Variants in MAGI1 observed in about 807,000 individuals in gnomAD.
MAGI1 encodes membrane-associated guanylate kinase, WW and PDZ domain-containing protein 1.
MAGI1 carries 58 observed loss-of-function variants against 139.9 expected under a neutral mutation model. The observed-to-expected ratio is 0.41, with a 90% CI of 0.34 to 0.52. The LOEUF (loss-of-function observed/expected upper bound fraction) is 0.52, where lower values mean the gene tolerates loss of function less well. Among genes scored for constraint, MAGI1 ranks in the 20% least tolerant of loss-of-function variants. The pLI is 0.12. For missense variants in MAGI1, 1,874 were observed against 1,901.6 expected (o/e 0.99, Z 0.27); for synonymous variants, 812 against 737.9 (o/e 1.10, Z -1.63).
chr3:65,685,545 A>G (rs1419585915), intron 1 of MAGI1, among the ~76,000 whole-genome samples: 1 of 152,236 alleles, frequency 6.6e-6, no homozygotes, highest in East Asian at 1.9e-4. Context: ...AATGTCAAAG[A>G]ACGTAGCTTG....
intron 1 of MAGI1, among the ~76,000 whole-genome samples, chr3:65,725,889 T>C (rs886640408): frequency 6.6e-6 from 1 of 152,116 alleles, no homozygotes; most frequent in African/African-American, 2.4e-5. Context: ...GGAACTCAAA[T>C]TCTGAAAAAA....
intron 2 of MAGI1, among the ~76,000 whole-genome samples, chr3:65,503,187 T>C (rs998505097): frequency 6.6e-6 from 1 of 152,192 alleles, no homozygotes; most frequent in East Asian, 1.9e-4. Context: ...AATTGATGCC[T>C]CATTGTAAAT....
chr3:65,407,626 G>A (rs1319334444), intron 12 of MAGI1, among the ~76,000 whole-genome samples: 1 of 151,996 alleles, frequency 6.6e-6, no homozygotes, highest in Non-Finnish European at 1.5e-5. Context: ...TAAAAACTGT[G>A]CATAGAATAT....
At chr3:65,551,456 G>A (rs1260481554) in intron 2 of MAGI1, among the ~76,000 whole-genome samples, 9 of 151,930 alleles carry the variant, frequency 5.9e-5, no homozygotes, top group South Asian at 4.2e-4. Context: ...ACGCACCACC[G>A]CGCGCGGCTA....
intron 5 of MAGI1, chr3:65,469,652 C>T (rs570912962): frequency 1.3e-5 from 2 of 151,940 alleles, no homozygotes; most frequent in African/African-American, 2.4e-5. Context: ...ATATTTACGA[C>T]TCTGTGTTAG....
At chr3:65,531,093 CATTA>C (rs2078692648) in intron 2 of MAGI1, among the ~76,000 whole-genome samples, 1 of 151,596 alleles carries the variant, frequency 6.6e-6, no homozygotes, top group Admixed American at 6.6e-5. Context: ...TACTGCTTAC[CATTA>C]ATTAAGTAGG....
intron 1 of MAGI1, among the ~76,000 whole-genome samples, chr3:65,937,069 G>A (rs75963416): frequency 0.013 from 1,963 of 152,042 alleles, 38 homozygotes; most frequent in African/African-American, 0.045. Context: ...TAACAATTTT[G>A]TATAGCTTAC....
chr3:65,613,191 C>T (rs1314595564), intron 2 of MAGI1, among the ~76,000 whole-genome samples: 1 of 152,092 alleles, frequency 6.6e-6, no homozygotes, highest in Admixed American at 6.6e-5. Flanking sequence ...ACTACCTAAG[C>T]TCTCCACACC....
chr3:65,477,711 A>ATTTTTATTT (rs1950977297), intron 4 of MAGI1, among the ~76,000 whole-genome samples: 3 of 141,612 alleles, frequency 2.1e-5, no homozygotes, highest in Non-Finnish European at 3.1e-5. Flanking sequence ...TATTATTATT[A>ATTTTTATTT]TTTTTTTTTT....
chr3:65,891,490 C>G (rs1235220537), intron 1 of MAGI1, among the ~76,000 whole-genome samples: 2 of 151,942 alleles, frequency 1.3e-5, no homozygotes, highest in Non-Finnish European at 1.5e-5. Flanking sequence ...GCACAATAAG[C>G]CCCAACAAAC....
At position 65,454,557 on chromosome 3, in the gene MAGI1, A is replaced by ATAATAATAAT. The variant is rs5849671; in HGVS notation, c.960-1218_960-1217insATTATTATTA. On this transcript the variant is annotated intron_variant, in intron 5 of 22. Coordinates refer to ENST00000402939, the MANE Select transcript of MAGI1 (RefSeq NM_001033057.2). ...AATAATAATAATAATAATAATAATAAAAAAATACTTGTTTTACAAAAAAAA... is the reference window on the plus strand; with the variant it reads ...AATAATAATAATAATAATAATAATAATAATAATAATAAAAATACTTGTTTTACAAAAAAAA... Among the ~76,000 whole-genome samples the ATAATAATAAT allele has an allele frequency of 1.3e-3, 180 of 143,248 alleles. 1 individual carries two copies. The highest frequency in any genetic ancestry group is 4.1e-3 in the African/African-American group (153 of 37,466). 94.0% of individuals were successfully genotyped at this position (143,248 alleles called of 152,430 possible). A position where few individuals can be genotyped will look rare whatever the true frequency, so the allele number is the denominator to read the frequency against.
intron 2 of MAGI1, among the ~76,000 whole-genome samples, chr3:65,564,528 T>C (rs1317675821): frequency 6.6e-6 from 1 of 152,124 alleles, no homozygotes; most frequent in Non-Finnish European, 1.5e-5. Flanking sequence ...GAAATAACTA[T>C]GGACAAAGAA....
chr3:65,758,219 T>G (rs2036713727), intron 1 of MAGI1, among the ~76,000 whole-genome samples: 1 of 152,194 alleles, frequency 6.6e-6, no homozygotes, highest in Admixed American at 6.5e-5. Context: ...GCCAATCACC[T>G]TTCCACAGCA....
At position 65,945,510 on chromosome 3, in the gene MAGI1, G is replaced by A. The variant is rs1289350412; in HGVS notation, c.313+92486C>T. Among the ~76,000 whole-genome samples, 281 of 145,806 alleles carry A rather than the reference G, an allele frequency of 1.9e-3. 1 individual carries two copies. The highest frequency in any genetic ancestry group is 6.3e-3 in the African/African-American group (261 of 41,364). Reference sequence around the variant, plus strand: ...ATTTGAGTCCTTGTGGACCAACCTTGTCTAATAGGTAGACAAGGGTGAAAA... The same window carrying A: ...ATTTGAGTCCTTGTGGACCAACCTTATCTAATAGGTAGACAAGGGTGAAAA... On this transcript the variant is annotated intron_variant, in intron 1 of 22. Transcript: ENST00000402939.
chr3:65,739,417 T>C lies in MAGI1; in HGVS notation c.314-117329A>G, dbSNP rs72908219. On this transcript the variant is annotated intron_variant, in intron 1 of 22. Transcript: ENST00000402939. Reference sequence around the variant, plus strand: ...TTTCTCCACATTAGCAATAAGGATGTTGCACTTTCTTGCCATTCGTGTGCT... The same window carrying C: ...TTTCTCCACATTAGCAATAAGGATGCTGCACTTTCTTGCCATTCGTGTGCT... Among the ~76,000 whole-genome samples the C allele has an allele frequency of 5.1e-3, 771 of 152,332 alleles. 2 individuals carry two copies. The highest frequency in any genetic ancestry group is 0.018 in the African/African-American group (736 of 41,580).
chr3:65,492,476 C>A (rs976561407), intron 3 of MAGI1, among the ~76,000 whole-genome samples: 1 of 151,990 alleles, frequency 6.6e-6, no homozygotes, highest in Non-Finnish European at 1.5e-5. Flanking sequence ...TATGCCCATA[C>A]AAAGGAATTA....
chr3:65,717,453 A>G (rs1318249565), intron 1 of MAGI1: 4 of 152,214 alleles, frequency 2.6e-5, no homozygotes, highest in Non-Finnish European at 5.9e-5. Context: ...CACTTTAGTT[A>G]CATACTAGTA....
chr3:65,440,788 T>C (rs1292325494), intron 8 of MAGI1, among the ~76,000 whole-genome samples: 2 of 151,200 alleles, frequency 1.3e-5, no homozygotes, highest in African/African-American at 2.4e-5. Flanking sequence ...TAATTATATA[T>C]ATACACATAT....
At chr3:65,825,966 G>A (rs1435388094) in intron 1 of MAGI1, among the ~76,000 whole-genome samples, 2 of 152,074 alleles carry the variant, frequency 1.3e-5, no homozygotes, top group South Asian at 2.1e-4. Flanking sequence ...CAGCCTGGGC[G>A]ACAGAGCAAG....
Sources: allele counts gnomAD v4.1 joint callset (sites outside exome capture counted in the v4.1 genomes callset), GRCh38; gene constraint gnomAD v4.1.1; transcripts MANE v1.5; gene names NCBI Gene and HGNC (gene_info 2026-07-23, HGNC 2026-07-21).